The following LIPK variants were observed in gnomAD, a reference collection of about 807,000 sequenced individuals.
The protein encoded by LIPK is lipase member K.
In LIPK, 32 loss-of-function variants were observed where a neutral mutation model predicts 48.6. The ratio of observed to expected loss-of-function variants is 0.66; its 90% CI spans 0.50 to 0.88. The LOEUF is 0.88. Ranked by LOEUF, LIPK falls within the 40% of genes least tolerant of loss-of-function variation. The probability of loss-of-function intolerance (pLI) is 0.00; values close to 1 mark genes in which losing one functional copy is unlikely to be tolerated. For synonymous variants in LIPK, 164 were observed against 157.4 expected, an observed-to-expected ratio of 1.04 and a Z score of -0.32; for missense variants, 507 against 478.5, an observed-to-expected ratio of 1.06 and a Z score of -0.56.
At chr10:88,746,927 TG>T (rs1292851034) in intron 9 of LIPK, among the ~76,000 whole-genome samples, 5 of 151,970 alleles carry the variant, frequency 3.3e-5, no homozygotes, top group African/African-American at 1.2e-4. Flanking sequence ...GAAATGACAA[TG>T]GGGACATTAC....
intron 8 of LIPK, among the ~76,000 whole-genome samples, chr10:88,740,878 G>A (rs1025723689): frequency 1.1e-4 from 17 of 151,958 alleles, no homozygotes; most frequent in Admixed American, 9.2e-4. Flanking sequence ...TTAGAGAATC[G>A]CTACTATAGA....
rs1259446267 is a variant in LIPK, at chr10:88,747,531, A to G, written c.960+4210A>G. 1.2e-4 allele frequency among the ~76,000 whole-genome samples: 18 copies of G among 152,186 alleles called. 1 individual carries two copies. Among genetic ancestry groups the G allele is most frequent in the Non-Finnish European group, 1.5e-5 (1 of 68,032 alleles). On this transcript the variant is annotated intron_variant, in intron 9 of 9. Coordinates refer to ENST00000404190, the MANE Select transcript of LIPK (RefSeq NM_001080518.2). ...AAAACAAAAATCACAAGATTATCTCAATAGACACAGAAAAGACTCTTAAGA... is the reference window on the plus strand; with the variant it reads ...AAAACAAAAATCACAAGATTATCTCGATAGACACAGAAAAGACTCTTAAGA...
At chr10:88,723,513 G>A (rs1842274478) in intron 1 of LIPK, among the ~76,000 whole-genome samples, 1 of 152,090 alleles carries the variant, frequency 6.6e-6, no homozygotes, top group African/African-American at 2.4e-5. Flanking sequence ...CTTGAAAAAT[G>A]TTCCCCTTGG....
At chr10:88,736,970 A>G (rs963971932) in intron 6 of LIPK, among the ~76,000 whole-genome samples, 10 of 152,206 alleles carry the variant, frequency 6.6e-5, no homozygotes, top group African/African-American at 2.4e-4. Flanking sequence ...CTAGTTTATT[A>G]TGCCAAGATT....
intron 1 of LIPK, among the ~76,000 whole-genome samples, chr10:88,717,489 G>A (rs1842140924): frequency 6.6e-6 from 1 of 152,042 alleles, no homozygotes; most frequent in African/African-American, 2.4e-5. Flanking sequence ...GCATTTTTAA[G>A]GTCCACGTGT....
intron 1 of LIPK, among the ~76,000 whole-genome samples, chr10:88,721,768 C>T (rs1842229888): frequency 6.6e-6 from 1 of 152,146 alleles, no homozygotes; most frequent in Non-Finnish European, 1.5e-5. Flanking sequence ...ATTCAGAGGC[C>T]TCAAAACGCC....
At chr10:88,738,925 C>A (rs1469003870) in intron 7 of LIPK, among the ~76,000 whole-genome samples, 1 of 152,156 alleles carries the variant, frequency 6.6e-6, no homozygotes, top group Non-Finnish European at 1.5e-5. Flanking sequence ...ATACACATGT[C>A]CAGAACTCAA....
chr10:88,710,589 A>G (rs1416806749), intron 1 of LIPK, among the ~76,000 whole-genome samples: 2 of 152,158 alleles, frequency 1.3e-5, no homozygotes, highest in African/African-American at 2.4e-5. Context: ...CAGAAATTCA[A>G]CCGCAGAGTA....
chr10:88,743,910 A>C (rs952140013), intron 9 of LIPK, among the ~76,000 whole-genome samples: 1 of 152,206 alleles, frequency 6.6e-6, no homozygotes, highest in Non-Finnish European at 1.5e-5. Context: ...CATTTGAGCT[A>C]GTAGGCAGAG....
At chr10:88,739,290 T>G (rs756693460) in intron 7 of LIPK, among the ~76,000 whole-genome samples, 1 of 152,218 alleles carries the variant, frequency 6.6e-6, no homozygotes, top group Non-Finnish European at 1.5e-5. Flanking sequence ...GGCCAACAGC[T>G]CTCTTTGAAT....
intron 1 of LIPK, among the ~76,000 whole-genome samples, chr10:88,717,883 T>C (rs902671578): frequency 3.5e-5 from 5 of 143,046 alleles, no homozygotes; most frequent in Non-Finnish European, 5.9e-5. Context: ...TATTTAATGT[T>C]TTTTTTTTTC....
intron 1 of LIPK, among the ~76,000 whole-genome samples, chr10:88,710,612 C>T (rs11202826): frequency 0.37 from 56,817 of 151,896 alleles, 10,975 homozygotes; most frequent in East Asian, 0.57. Flanking sequence ...CACTCCTTTG[C>T]GCTTTTTTCA....
In LIPK at chr10:88,731,563, A is replaced by G. The variant is rs76638954; in HGVS notation, c.422+382A>G. Reference sequence around the variant, plus strand: ...CACAGGAGCAAACTGATGCACTGGCATAGGAGCTAAGAACCATGCCTTGGA... The same window carrying G: ...CACAGGAGCAAACTGATGCACTGGCGTAGGAGCTAAGAACCATGCCTTGGA... On this transcript the variant is annotated intron_variant, in intron 4 of 9. Transcript: ENST00000404190. Among the ~76,000 whole-genome samples, 41 of 152,378 alleles carry G rather than the reference A, an allele frequency of 2.7e-4. No homozygotes were observed. In the East Asian group the frequency reaches 4.0e-3, roughly 15 times the overall value.
chr10:88,748,290 A>C (rs1030601435), intron 9 of LIPK, among the ~76,000 whole-genome samples: 4 of 152,244 alleles, frequency 2.6e-5, no homozygotes, highest in Non-Finnish European at 5.9e-5. Flanking sequence ...GAGGGAAGGG[A>C]ACTTAGAGGA....
At chr10:88,729,640 C>T (rs1842425195) in intron 3 of LIPK, among the ~76,000 whole-genome samples, 1 of 152,210 alleles carries the variant, frequency 6.6e-6, no homozygotes, top group Non-Finnish European at 1.5e-5. Context: ...GTCTCAGACT[C>T]AGATCAAAGA....
At chr10:88,749,599 T>A (rs148227182) in intron 9 of LIPK, among the ~76,000 whole-genome samples, 1 of 152,140 alleles carries the variant, frequency 6.6e-6, no homozygotes, top group African/African-American at 2.4e-5. Flanking sequence ...TTTTCCCATA[T>A]ACAAAAATTA....
intron 3 of LIPK, chr10:88,728,507 A>G (rs796636655): frequency 3.9e-6 from 1 of 259,688 alleles, no homozygotes; most frequent in South Asian, 4.2e-5. Flanking sequence ...TCCGCCATTA[A>G]GGACTCAACG....
rs764406359 is a variant in LIPK at position 88,731,187 on chromosome 10, G to C, written c.422+6G>C. 2.0e-6 allele frequency: 3 copies of C among 1,530,910 alleles called. No individual in the cohort carries two copies. The highest frequency in any genetic ancestry group is 2.6e-6 in the Non-Finnish European group (3 of 1,142,150). 94.8% of individuals were successfully genotyped at this position (1,530,910 alleles called of 1,614,324 possible). On this transcript the variant is annotated splice_donor_region_variant and intron_variant, in intron 4 of 9. Coordinates refer to ENST00000404190, the MANE Select transcript of LIPK (RefSeq NM_001080518.2). ...CCGGAATACTGGGCCTTCAGGTAAA[G>C]AGAAACCTATTAATGAATAAAATGT... is the stretch of plus-strand genomic sequence containing the variant.
chr10:88,746,307 A>G (rs929018011), intron 9 of LIPK, among the ~76,000 whole-genome samples: 4 of 152,172 alleles, frequency 2.6e-5, no homozygotes, highest in African/African-American at 9.7e-5. Flanking sequence ...CACTCGACCC[A>G]ATAACAGCAG....
Sources: gnomAD v4.1 joint callset for allele counts (sites outside exome capture counted in the v4.1 genomes callset) on GRCh38, gnomAD v4.1.1 for gene constraint, MANE v1.5 for transcripts, NCBI Gene and HGNC (gene_info 2026-07-23, HGNC 2026-07-21) for gene names.